Variants in FRMPD4 observed in about 807,000 individuals in gnomAD.
FRMPD4 encodes FERM and PDZ domain-containing protein 4.
FRMPD4 carries 22 observed loss-of-function variants against 94.1 expected under a neutral mutation model. The ratio of observed to expected loss-of-function variants is 0.23; its 90% CI spans 0.17 to 0.33. FRMPD4 has a LOEUF of 0.33. FRMPD4 is among the 10% of genes least tolerant of loss of function. The pLI is 1.00. For synonymous variants in FRMPD4, 631 were observed against 548.6 expected (o/e 1.15, Z -2.10); for missense variants, 1,111 against 1,339.9 (o/e 0.83, Z 2.67).
intron 1 of FRMPD4, among the ~76,000 whole-genome samples, chrX:12,174,247 T>C (rs769839007): frequency 1.8e-5 from 2 of 112,481 alleles, no homozygotes; most frequent in Non-Finnish European, 3.8e-5. Flanking sequence ...TTACAGACAC[T>C]GAAATTTGAA....
chrX:12,094,520 T>C (rs1392933825), intron 3 of FRMPD4, among the ~76,000 whole-genome samples: 5 of 112,157 alleles, frequency 4.5e-5, no homozygotes, highest in South Asian at 3.7e-4. Flanking sequence ...TTGCAGTCCA[T>C]GGGCTGCCAA....
chrX:12,077,768 C>A (rs1387182525), intron 3 of FRMPD4, among the ~76,000 whole-genome samples: 1 of 111,296 alleles, frequency 9.0e-6, no homozygotes, highest in Non-Finnish European at 1.9e-5. Flanking sequence ...AGACTTCTCT[C>A]TCTCTCTCTC....
chrX:11,868,946 C>T (rs1432209471), intron 2 of FRMPD4, among the ~76,000 whole-genome samples: 1 of 112,129 alleles, frequency 8.9e-6, no homozygotes, highest in Non-Finnish European at 1.9e-5. Flanking sequence ...GCTATCTGGC[C>T]CTTTACAGGA....
intron 3 of FRMPD4, among the ~76,000 whole-genome samples, chrX:12,005,034 A>G (rs1421893923): frequency 5.4e-5 from 6 of 112,142 alleles, no homozygotes; most frequent in Non-Finnish European, 1.1e-4. Flanking sequence ...CTCATATCTA[A>G]CTTTAGGGAA....
chrX:12,034,315 T>G (rs2054708356), intron 3 of FRMPD4, among the ~76,000 whole-genome samples: 2 of 111,488 alleles, frequency 1.8e-5, no homozygotes, highest in South Asian at 7.6e-4. Context: ...GTGGTCGGGA[T>G]AGAGAGAGAG....
At chrX:12,691,990 G>A (rs1260498437) in intron 8 of FRMPD4, among the ~76,000 whole-genome samples, 1 of 111,794 alleles carries the variant, frequency 8.9e-6, no homozygotes. Flanking sequence ...AAATGCCAAG[G>A]GGAAATGGGC....
At chrX:12,433,000 G>T (rs1376688100) in intron 1 of FRMPD4, among the ~76,000 whole-genome samples, 1 of 112,453 alleles carries the variant, frequency 8.9e-6, no homozygotes, top group Non-Finnish European at 1.9e-5. Context: ...TTCCAAAAAG[G>T]GGAATTTCAA....
At chrX:12,376,252 G>A (rs889604641) in intron 1 of FRMPD4, among the ~76,000 whole-genome samples, 7 of 112,162 alleles carry the variant, frequency 6.2e-5, no homozygotes, top group Non-Finnish European at 1.3e-4. Flanking sequence ...GGCCTCATTC[G>A]ATTGTCCAGG....
At chrX:11,829,981 G>A (rs1039536414) in intron 1 of FRMPD4, among the ~76,000 whole-genome samples, 1 of 111,836 alleles carries the variant, frequency 8.9e-6, no homozygotes, top group Non-Finnish European at 1.9e-5. Flanking sequence ...TGAGGACTGG[G>A]AAAAAGAGTT....
At chrX:11,866,825 G>T (rs2053722356) in intron 2 of FRMPD4, among the ~76,000 whole-genome samples, 1 of 111,182 alleles carries the variant, frequency 9.0e-6, no homozygotes, top group South Asian at 3.8e-4. Flanking sequence ...AAACTGTGGT[G>T]ACTTCATGCT....
At chrX:12,381,858 A>C (rs909074382) in intron 1 of FRMPD4, among the ~76,000 whole-genome samples, 19 of 111,800 alleles carry the variant, frequency 1.7e-4, no homozygotes, top group African/African-American at 5.5e-4. Flanking sequence ...TGGTGTGCTC[A>C]TGTGCTGCCT....
intron 2 of FRMPD4, among the ~76,000 whole-genome samples, chrX:12,515,791 T>C (rs1249533285): frequency 3.6e-5 from 4 of 111,276 alleles, no homozygotes; most frequent in Admixed American, 1.9e-4. Flanking sequence ...GTGGGGTCGA[T>C]AGTGGGAGAC....
rs761060236 is a variant in FRMPD4, at chrX:11,841,523, T to G, written c.-161+18808T>G. Among the ~76,000 whole-genome samples, 244 of 109,477 alleles carry G rather than the reference T, an allele frequency of 2.2e-3. 1 individual carries two copies. The East Asian group carries it at 0.03, about 14-fold the overall frequency. ...TGATGGTGAGCATTTTTTCATGTGTTTTTTGGCTGCATAAATGTCTTCTTT... is the reference window on the plus strand; with the variant it reads ...TGATGGTGAGCATTTTTTCATGTGTGTTTTGGCTGCATAAATGTCTTCTTT... On this transcript the variant is annotated intron_variant, in intron 1 of 18. Transcript: ENST00000640291.
chrX:12,175,086 C>A (rs1201217827), intron 1 of FRMPD4, among the ~76,000 whole-genome samples: 2 of 111,926 alleles, frequency 1.8e-5, no homozygotes, highest in East Asian at 5.6e-4. Flanking sequence ...AACATAGTAT[C>A]TTTAACAGGT....
At chrX:12,463,120 A>C (rs1185857118) in intron 1 of FRMPD4, among the ~76,000 whole-genome samples, 2 of 112,370 alleles carry the variant, frequency 1.8e-5, no homozygotes, top group Non-Finnish European at 3.8e-5. Flanking sequence ...AGTACCCTTT[A>C]TGAAGAACAG....
At chrX:12,297,355 G>A (rs2054788976) in intron 1 of FRMPD4, among the ~76,000 whole-genome samples, 1 of 112,477 alleles carries the variant, frequency 8.9e-6, no homozygotes. Context: ...AGGTTGGGAA[G>A]TCTAAGGTTG....
At chrX:12,266,494 C>G (rs907864440) in intron 1 of FRMPD4, among the ~76,000 whole-genome samples, 4 of 111,339 alleles carry the variant, frequency 3.6e-5, no homozygotes, top group African/African-American at 1.3e-4. Flanking sequence ...ACGCAAGGCC[C>G]CTTGAAGTCT....
chrX:12,167,966 G>A (rs1020865812), intron 1 of FRMPD4, among the ~76,000 whole-genome samples: 1 of 110,749 alleles, frequency 9.0e-6, no homozygotes, highest in East Asian at 2.8e-4. Context: ...GCCCCTAGGG[G>A]CCGTTTGAAA....
At chrX:11,923,066 A>C (rs2054066988) in intron 3 of FRMPD4, among the ~76,000 whole-genome samples, 1 of 112,857 alleles carries the variant, frequency 8.9e-6, no homozygotes, top group African/African-American at 3.2e-5. Context: ...GGCCATATGC[A>C]GCAGCCCACA....
Sources: allele counts gnomAD v4.1 joint callset (sites outside exome capture counted in the v4.1 genomes callset), GRCh38; gene constraint gnomAD v4.1.1; transcripts MANE v1.5; gene names NCBI Gene and HGNC (gene_info 2026-07-23, HGNC 2026-07-21).